The following EFNA5 variants were observed in gnomAD, a reference collection of about 807,000 sequenced individuals.
EFNA5 encodes the protein ephrin-A5.
In EFNA5, 5 loss-of-function variants were observed where a neutral mutation model predicts 22.9. The ratio of observed to expected loss-of-function variants is 0.22; its 90% CI spans 0.11 to 0.46. EFNA5 has a LOEUF of 0.46. EFNA5 is among the 20% of genes least tolerant of loss of function. EFNA5 has a pLI of 0.99. For missense variants in EFNA5, 237 were observed against 293.3 expected (o/e 0.81, Z 1.40); for synonymous variants, 113 against 112.2 (o/e 1.01, Z -0.04).
rs543802116 is a variant in EFNA5 at position 107,632,204 on chromosome 5, C to G, written c.125+38285G>C. On this transcript the variant is annotated intron_variant, in intron 1 of 4. Coordinates refer to ENST00000333274, the MANE Select transcript of EFNA5 (RefSeq NM_001962.3). The stretch of plus-strand genomic sequence containing the variant: ...GCCTTGCCATTTCCCCCATCTTTAT[C>G]TCACTATTCTTACTTCATTCTTATT... Among the ~76,000 whole-genome samples the G allele has an allele frequency of 7.9e-5, 12 of 152,262 alleles. No homozygotes were observed. The South Asian group carries it at 2.5e-3, about 32-fold the overall frequency.
intron 1 of EFNA5, among the ~76,000 whole-genome samples, chr5:107,558,057 T>C (rs1332601052): frequency 6.6e-6 from 1 of 152,114 alleles, no homozygotes; most frequent in Non-Finnish European, 1.5e-5. Flanking sequence ...TATATATAAA[T>C]GCTTGCTGTT....
At chr5:107,486,271 A>G (rs1490667067) in intron 1 of EFNA5, among the ~76,000 whole-genome samples, 1 of 152,220 alleles carries the variant, frequency 6.6e-6, no homozygotes, top group South Asian at 2.1e-4. Flanking sequence ...ATTCAACCCT[A>G]TGTATATTCA....
chr5:107,426,453 T>C (rs755648862), intron 2 of EFNA5, among the ~76,000 whole-genome samples: 1 of 152,102 alleles, frequency 6.6e-6, no homozygotes, highest in Non-Finnish European at 1.5e-5. Flanking sequence ...CATTACAAGA[T>C]CCCCAGATAA....
chr5:107,556,778 AAAT>A (rs1474299559), intron 1 of EFNA5, among the ~76,000 whole-genome samples: 1,710 of 115,490 alleles, frequency 0.015, 33 homozygotes, highest in African/African-American at 0.048. Flanking sequence ...ATAAATAAAT[AAAT>A]AAATAAATAA....
Position 107,482,864 on chromosome 5 carries a change from CTCTCTCTATATATA to C in EFNA5, c.126-55369_126-55356del, listed in dbSNP as rs1290523115. Among the ~76,000 whole-genome samples, 220 of 48,280 alleles carry C rather than the reference CTCTCTCTATATATA, an allele frequency of 4.6e-3. 2 individuals are homozygous for C. In the East Asian group the frequency reaches 0.079, roughly 17 times the overall value. The allele number at this position is 48,280 out of a possible 152,430, so 31.7% of individuals were successfully genotyped here. On this transcript the variant is annotated intron_variant, in intron 1 of 4. Coordinates refer to ENST00000333274, the MANE Select transcript of EFNA5 (RefSeq NM_001962.3). Reference sequence around the variant, plus strand: ...TCTCTCTCTCTCTCTCTCTCTCTCTCTCTCTCTATATATATATATATATATATATACATACATAT... The same window carrying C: ...TCTCTCTCTCTCTCTCTCTCTCTCTCTATATATATATATATACATACATAT...
chr5:107,561,441 C>T (rs955277110), intron 1 of EFNA5, among the ~76,000 whole-genome samples: 16 of 151,994 alleles, frequency 1.1e-4, no homozygotes, highest in Non-Finnish European at 1.3e-4. Flanking sequence ...CTATCTTGGC[C>T]CACTGCAACC....
At chr5:107,621,461 C>A (rs1750035256) in intron 1 of EFNA5, among the ~76,000 whole-genome samples, 1 of 152,136 alleles carries the variant, frequency 6.6e-6, no homozygotes, top group Admixed American at 6.5e-5. Flanking sequence ...CCAAAAGGAT[C>A]CCCCTAAAAC....
intron 1 of EFNA5, among the ~76,000 whole-genome samples, chr5:107,617,417 T>C (rs1186881441): frequency 6.6e-6 from 1 of 152,154 alleles, no homozygotes; most frequent in South Asian, 2.1e-4. Flanking sequence ...TCAAAGTTGA[T>C]AGAATAGATT....
At chr5:107,634,438 C>T (rs539866339) in intron 1 of EFNA5, among the ~76,000 whole-genome samples, 9 of 152,176 alleles carry the variant, frequency 5.9e-5, no homozygotes, top group African/African-American at 2.2e-4. Context: ...ATCACTTGAG[C>T]CCAGGTGTTT....
At chr5:107,416,368 G>C (rs1748504318) in intron 2 of EFNA5, among the ~76,000 whole-genome samples, 1 of 152,110 alleles carries the variant, frequency 6.6e-6, no homozygotes, top group Admixed American at 6.6e-5. Flanking sequence ...ATTGAATAAA[G>C]ACTCTAGGCT....
chr5:107,636,242 G>A (rs1750371423), intron 1 of EFNA5, among the ~76,000 whole-genome samples: 1 of 152,040 alleles, frequency 6.6e-6, no homozygotes, highest in Admixed American at 6.6e-5. Context: ...TAACATCACT[G>A]TTAAATGAGA....
chr5:107,624,493 T>A (rs1283522805), intron 1 of EFNA5, among the ~76,000 whole-genome samples: 4 of 152,292 alleles, frequency 2.6e-5, no homozygotes, highest in East Asian at 1.9e-4. Context: ...TAAAAGATTG[T>A]TTTTTTCCTC....
At chr5:107,590,783 T>G (rs890133706) in intron 1 of EFNA5, among the ~76,000 whole-genome samples, 7 of 152,204 alleles carry the variant, frequency 4.6e-5, no homozygotes, top group South Asian at 2.1e-4. Flanking sequence ...TGGACAAAAC[T>G]CACTGCAACC....
At chr5:107,491,809 A>G (rs1303512126) in intron 1 of EFNA5, among the ~76,000 whole-genome samples, 1 of 152,148 alleles carries the variant, frequency 6.6e-6, no homozygotes, top group Non-Finnish European at 1.5e-5. Context: ...AGGTATATGT[A>G]TTATACATTC....
intron 1 of EFNA5, among the ~76,000 whole-genome samples, chr5:107,619,115 C>T (rs1339070427): frequency 2.0e-5 from 3 of 151,786 alleles, no homozygotes; most frequent in Non-Finnish European, 4.4e-5. Flanking sequence ...TTAGTAGAGA[C>T]GGGGTTTCGC....
chr5:107,443,042 C>T (rs1169705292), intron 1 of EFNA5, among the ~76,000 whole-genome samples: 2 of 150,672 alleles, frequency 1.3e-5, no homozygotes, highest in Non-Finnish European at 2.9e-5. Flanking sequence ...CCAAATTTTC[C>T]CTGGGGTACA....
intron 1 of EFNA5, among the ~76,000 whole-genome samples, chr5:107,669,767 C>T (rs114895935): frequency 2.6e-5 from 4 of 152,128 alleles, no homozygotes; most frequent in Non-Finnish European, 5.9e-5. Flanking sequence ...GCAGCTTGTT[C>T]TGCACACATG....
At chr5:107,417,423 C>G (rs529750185) in intron 2 of EFNA5, among the ~76,000 whole-genome samples, 9 of 152,076 alleles carry the variant, frequency 5.9e-5, no homozygotes, top group Non-Finnish European at 1.3e-4. Context: ...TTTATACAAT[C>G]TGACTTAAAA....
chr5:107,500,134 G>A (rs769474482), intron 1 of EFNA5, among the ~76,000 whole-genome samples: 1 of 152,164 alleles, frequency 6.6e-6, no homozygotes, highest in Non-Finnish European at 1.5e-5. Context: ...CTCTTGGATA[G>A]TGTCAAAGCA....
Sources: gnomAD v4.1 joint callset for allele counts (sites outside exome capture counted in the v4.1 genomes callset) on GRCh38, gnomAD v4.1.1 for gene constraint, MANE v1.5 for transcripts, NCBI Gene and HGNC (gene_info 2026-07-23, HGNC 2026-07-21) for gene names.